FBXL17: variants seen among roughly 807,000 people sequenced by gnomAD.
FBXL17 encodes the protein F-box and leucine rich repeat protein 17, also known as F-box/LRR-repeat protein 17.
A neutral mutation model predicts 66.2 loss-of-function variants in FBXL17; 22 were observed. That is an observed-to-expected ratio of 0.33 (90% CI 0.24 to 0.47). FBXL17 has a LOEUF of 0.47. FBXL17 is among the 20% of genes least tolerant of loss of function. The probability of loss-of-function intolerance (pLI) is 1.00; values close to 1 mark genes in which losing one functional copy is unlikely to be tolerated. For missense variants in FBXL17, 878 were observed against 948.2 expected (o/e 0.93, Z 0.97); for synonymous variants, 474 against 400.5 (o/e 1.18, Z -2.19).
At chr5:108,130,628 C>T (rs1189163813) in intron 6 of FBXL17, among the ~76,000 whole-genome samples, 4 of 152,030 alleles carry the variant, frequency 2.6e-5, no homozygotes, top group African/African-American at 7.2e-5. Flanking sequence ...TTTTCCAATG[C>T]TGCCTTAAAG....
At chr5:108,343,054 T>C (rs1384594033) in intron 4 of FBXL17, among the ~76,000 whole-genome samples, 2 of 152,162 alleles carry the variant, frequency 1.3e-5, no homozygotes, top group Non-Finnish European at 2.9e-5. Context: ...CTTTCTACCA[T>C]GTGAGGATAC....
At chr5:107,865,620 C>T (rs887120695) in intron 8 of FBXL17, among the ~76,000 whole-genome samples, 8 of 152,064 alleles carry the variant, frequency 5.3e-5, no homozygotes, top group Non-Finnish European at 1.2e-4. Flanking sequence ...ACCAGTAATC[C>T]TCTGTGCATA....
intron 7 of FBXL17, among the ~76,000 whole-genome samples, chr5:107,949,574 A>G (rs992698978): frequency 1.3e-5 from 2 of 152,226 alleles, no homozygotes; most frequent in African/African-American, 2.4e-5. Flanking sequence ...AAATGAGGGG[A>G]AAATACTTGG....
At chr5:108,197,956 C>T (rs1753744153) in intron 5 of FBXL17, among the ~76,000 whole-genome samples, 1 of 152,084 alleles carries the variant, frequency 6.6e-6, no homozygotes, top group African/African-American at 2.4e-5. Context: ...GTTTTTCTAT[C>T]CCGTGATCAG....
intron 3 of FBXL17, among the ~76,000 whole-genome samples, chr5:108,362,400 T>C (rs1748400330): frequency 6.6e-6 from 1 of 152,148 alleles, no homozygotes; most frequent in Non-Finnish European, 1.5e-5. Context: ...TTGACTACTA[T>C]TATCGTTTGT....
intron 6 of FBXL17, among the ~76,000 whole-genome samples, chr5:108,043,355 G>C (rs866545700): frequency 6.6e-6 from 1 of 151,962 alleles, no homozygotes; most frequent in Admixed American, 6.6e-5. Flanking sequence ...AAGTTTTATA[G>C]TTTTATGTTT....
intron 6 of FBXL17, among the ~76,000 whole-genome samples, chr5:108,153,479 C>T (rs768658293): frequency 4.6e-5 from 7 of 152,088 alleles, no homozygotes; most frequent in Non-Finnish European, 8.8e-5. Context: ...GGTTGGTAGG[C>T]TCAATAAACC....
At chr5:107,916,599 GAAGTC>G (rs66702819) in intron 7 of FBXL17, among the ~76,000 whole-genome samples, 36,840 of 151,924 alleles carry the variant, frequency 0.24, 5,618 homozygotes, top group Admixed American at 0.42. Context: ...CATTTTAAAT[GAAGTC>G]AAGTCTAAAA....
At chr5:108,186,412 CTAAAT>C (rs1285170423) in intron 5 of FBXL17, among the ~76,000 whole-genome samples, 165 bp from the exon 6 acceptor site, 2 of 152,010 alleles carry the variant, frequency 1.3e-5, no homozygotes, top group African/African-American at 4.8e-5. Context: ...ATTTTATACA[CTAAAT>C]TAAGCATGAG....
chr5:108,164,910 T>C (rs1318271062), intron 6 of FBXL17, among the ~76,000 whole-genome samples: 1 of 152,174 alleles, frequency 6.6e-6, no homozygotes, highest in East Asian at 1.9e-4. Context: ...AATAACTTAT[T>C]CCAAGTTTTG....
At chr5:108,074,316 T>A (rs1213615157) in intron 6 of FBXL17, among the ~76,000 whole-genome samples, 279 of 152,152 alleles carry the variant, frequency 1.8e-3, no homozygotes, top group Middle Eastern at 6.8e-3. Context: ...AAAGATTTTT[T>A]TTTTTTTTTT....
intron 7 of FBXL17, among the ~76,000 whole-genome samples, chr5:108,006,237 C>CA (rs962790651): frequency 1.3e-5 from 2 of 152,050 alleles, no homozygotes; most frequent in African/African-American, 4.8e-5. Context: ...TTAATTCATT[C>CA]AAAAAATTGT....
intron 7 of FBXL17, among the ~76,000 whole-genome samples, chr5:108,008,706 G>C (rs753745220): frequency 6.6e-6 from 1 of 152,038 alleles, no homozygotes; most frequent in Non-Finnish European, 1.5e-5. Flanking sequence ...CTGGATGCGC[G>C]CAGCTTGGTT....
chr5:108,014,797 C>A (rs1310192045), intron 7 of FBXL17, among the ~76,000 whole-genome samples: 1 of 152,122 alleles, frequency 6.6e-6, no homozygotes, highest in African/African-American at 2.4e-5. Context: ...AGAAAAAGAG[C>A]TTTAATGGAC....
chr5:108,202,941 T>G (rs1396779820), intron 5 of FBXL17, among the ~76,000 whole-genome samples: 3 of 152,138 alleles, frequency 2.0e-5, no homozygotes, highest in Non-Finnish European at 4.4e-5. Context: ...ACTTAAATAA[T>G]TAAGCAACCT....
chr5:108,230,296 A>T (rs1345426910), intron 4 of FBXL17, among the ~76,000 whole-genome samples: 2 of 152,210 alleles, frequency 1.3e-5, no homozygotes, highest in Non-Finnish European at 2.9e-5. Context: ...CACAATTCAC[A>T]ACTGCAAAAA....
chr5:107,984,301 AATT>A (rs1203520601), intron 7 of FBXL17, among the ~76,000 whole-genome samples: 1 of 152,346 alleles, frequency 6.6e-6, no homozygotes, highest in East Asian at 1.9e-4. Context: ...CAAGCTATTA[AATT>A]ATGTTAATTT....
rs1004686994 is a variant in FBXL17 at position 107,860,753 on chromosome 5, C to T, written c.*967G>A. On this transcript the variant is annotated 3_prime_UTR_variant, in exon 9 of 9. Coordinates refer to ENST00000542267, the MANE Select transcript of FBXL17 (RefSeq NM_001163315.3). ...GTCTACTTATATCTCACTCATGAAT[C>T]TTCTATTAATGTGACTACCCTCTCG... The T allele has an allele frequency of 9.2e-5, 14 of 152,536 alleles. No individual in the cohort carries two copies. The highest frequency in any genetic ancestry group is 1.6e-4 in the Non-Finnish European group (11 of 68,024). 9.4% of individuals were successfully genotyped at this position (152,536 alleles called of 1,614,324 possible). A position where few individuals can be genotyped will look rare whatever the true frequency, so the allele number is the denominator to read the frequency against.
intron 4 of FBXL17, among the ~76,000 whole-genome samples, chr5:108,330,209 A>T (rs1474850800): frequency 6.6e-6 from 1 of 152,206 alleles, no homozygotes; most frequent in East Asian, 1.9e-4. Context: ...GTATAAAATA[A>T]TGTCACACCA....
Sources: gnomAD v4.1 joint callset for allele counts (sites outside exome capture counted in the v4.1 genomes callset) on GRCh38, gnomAD v4.1.1 for gene constraint, MANE v1.5 for transcripts, NCBI Gene and HGNC (gene_info 2026-07-23, HGNC 2026-07-21) for gene names.